BBS9: variants seen among roughly 807,000 people sequenced by gnomAD.
BBS9 encodes the protein protein PTHB1.
Under a neutral mutation model 117.7 loss-of-function variants are expected in BBS9, and 89 were observed. That is an observed-to-expected ratio of 0.76 (90% CI 0.64 to 0.90). The LOEUF is 0.90. BBS9 is among the 40% of genes least tolerant of loss of function. BBS9 has a pLI of 0.00. For missense variants in BBS9, 982 were observed against 1,042.2 expected (o/e 0.94, Z 0.80); for synonymous variants, 379 against 370.9 (o/e 1.02, Z -0.25).
chr7:33,599,272 A>C (rs1370095869), intron 21 of BBS9, among the ~76,000 whole-genome samples: 1 of 152,134 alleles, frequency 6.6e-6, no homozygotes, highest in East Asian at 1.9e-4. Flanking sequence ...TAAGGTTTTC[A>C]GGCACTTTTC....
intron 19 of BBS9, among the ~76,000 whole-genome samples, chr7:33,395,067 GAA>G (rs1298743753): frequency 6.6e-6 from 1 of 152,154 alleles, no homozygotes; most frequent in Non-Finnish European, 1.5e-5. Flanking sequence ...TCAGGGTAAA[GAA>G]AAAGGAAATG....
At chr7:33,350,620 CTCTGTTCATGCTG>C (rs1256013104) in intron 13 of BBS9, among the ~76,000 whole-genome samples, 1 of 152,200 alleles carries the variant, frequency 6.6e-6, no homozygotes, top group African/African-American at 2.4e-5. Flanking sequence ...GTACCGTTTT[CTCTGTTCATGCTG>C]TCTGTTCCTC....
chr7:33,183,117 T>A (rs555231996), intron 5 of BBS9, among the ~76,000 whole-genome samples: 1 of 152,292 alleles, frequency 6.6e-6, no homozygotes, highest in South Asian at 2.1e-4. Context: ...ATGAAGTAAT[T>A]TCTAATACCC....
chr7:33,209,673 A>G (rs1280187491), intron 5 of BBS9, among the ~76,000 whole-genome samples: 1 of 152,114 alleles, frequency 6.6e-6, no homozygotes, highest in Non-Finnish European at 1.5e-5. Context: ...TTTCCAATTT[A>G]TTGGCATATA....
intron 21 of BBS9, among the ~76,000 whole-genome samples, chr7:33,627,642 G>T (rs1451517480): frequency 6.6e-6 from 1 of 152,224 alleles, no homozygotes; most frequent in Non-Finnish European, 1.5e-5. Flanking sequence ...AGTCTTAGGA[G>T]CCCACCCCTT....
chr7:33,129,292 C>T (rs1789216236), upstream of BBS9: 1 of 548,644 alleles, frequency 1.8e-6, no homozygotes, highest in Non-Finnish European at 3.2e-6. Flanking sequence ...GCCGGGGGGG[C>T]GTGGCCTGCC....
rs1800246668 is a variant in BBS9 at position 33,273,817 on chromosome 7, C to T, written c.887-10C>T. The T allele has an allele frequency of 8.7e-6, 14 of 1,605,320 alleles. No homozygotes were observed. Among genetic ancestry groups the T allele is most frequent in the Non-Finnish European group, 1.2e-5 (14 of 1,173,194 alleles). ...TCTTAGTGTCTCTTTTCTGTATTTT[C>T]AACTTACAGTTTCTGAAGGAACAAT... On this transcript the variant is annotated splice_polypyrimidine_tract_variant and intron_variant, in intron 8 of 22. Coordinates refer to ENST00000242067, the MANE Select transcript of BBS9 (RefSeq NM_198428.3).
Position 33,432,658 on chromosome 7 carries a change from A to C in BBS9, c.2115+44514A>C, listed in dbSNP as rs6964664. Among the ~76,000 whole-genome samples, 496 of 152,318 alleles carry C rather than the reference A, an allele frequency of 3.3e-3. 2 individuals carry two copies. Among genetic ancestry groups the C allele is most frequent in the African/African-American group, 0.011 (477 of 41,578 alleles). On this transcript the variant is annotated intron_variant, in intron 19 of 22. Transcript: ENST00000242067. ...AGATAAAAAATGCACCTAGAAAAGA[A>C]AAGTTGTCTATGTTGTTATTCGAAA...
At chr7:33,601,224 G>A (rs1368936728) in intron 21 of BBS9, among the ~76,000 whole-genome samples, 1 of 152,076 alleles carries the variant, frequency 6.6e-6, no homozygotes, top group Non-Finnish European at 1.5e-5. Flanking sequence ...TGCCCTCCTC[G>A]AGGCGAGACG....
At chr7:33,634,673 C>T (rs1562548815) in intron 21 of BBS9, among the ~76,000 whole-genome samples, 2 of 152,124 alleles carry the variant, frequency 1.3e-5, no homozygotes, top group African/African-American at 2.4e-5. Flanking sequence ...TTGTAGGAAA[C>T]GGCTAAAGAA....
chr7:33,439,527 T>A (rs1346642623), intron 19 of BBS9, among the ~76,000 whole-genome samples: 1 of 121,468 alleles, frequency 8.2e-6, no homozygotes, highest in Non-Finnish European at 1.6e-5. Context: ...TTCTCTTTTT[T>A]ATCACCTTTT....
chr7:33,532,858 C>T (rs1006031151), intron 20 of BBS9, among the ~76,000 whole-genome samples: 4 of 152,094 alleles, frequency 2.6e-5, no homozygotes, highest in Admixed American at 6.5e-5. Flanking sequence ...TGCACTGTTC[C>T]GCAGTATTCT....
chr7:33,541,660 C>T (rs1280104124), intron 21 of BBS9, among the ~76,000 whole-genome samples: 1 of 152,126 alleles, frequency 6.6e-6, no homozygotes, highest in East Asian at 1.9e-4. Context: ...CATGGGTAAA[C>T]ATTAAAAACA....
At chr7:33,219,405 G>A (rs908450473) in intron 5 of BBS9, among the ~76,000 whole-genome samples, 7 of 152,230 alleles carry the variant, frequency 4.6e-5, no homozygotes, top group African/African-American at 7.2e-5. Flanking sequence ...CAGCCCCAGT[G>A]CAGGGTCCAC....
intron 9 of BBS9, among the ~76,000 whole-genome samples, chr7:33,310,511 T>C (rs1053273489): frequency 4.6e-5 from 7 of 152,162 alleles, no homozygotes; most frequent in African/African-American, 1.4e-4. Flanking sequence ...TTCATCCAAA[T>C]TGGGATATTT....
chr7:33,538,703 G>A (rs1430466457), intron 21 of BBS9, among the ~76,000 whole-genome samples: 2 of 151,068 alleles, frequency 1.3e-5, no homozygotes, highest in Non-Finnish European at 2.9e-5. Context: ...AGATTTAGAT[G>A]ACTTAAATAT....
chr7:33,412,788 A>G (rs1831365441), intron 19 of BBS9, among the ~76,000 whole-genome samples: 1 of 152,224 alleles, frequency 6.6e-6, no homozygotes, highest in Non-Finnish European at 1.5e-5. Context: ...TATCCCAATT[A>G]GGTATACAGT....
chr7:33,446,661 A>G (rs775615649), intron 19 of BBS9, among the ~76,000 whole-genome samples: 12 of 152,230 alleles, frequency 7.9e-5, no homozygotes, highest in Non-Finnish European at 1.6e-4. Flanking sequence ...TGCCATTTTC[A>G]TTGTCTTATC....
At chr7:33,433,147 T>C (rs1466677188) in intron 19 of BBS9, among the ~76,000 whole-genome samples, 6 of 152,218 alleles carry the variant, frequency 3.9e-5, no homozygotes, top group Non-Finnish European at 8.8e-5. Context: ...TATATTTTAT[T>C]TCTGTTCTTT....
Sources: allele counts gnomAD v4.1 joint callset (sites outside exome capture counted in the v4.1 genomes callset), GRCh38; gene constraint gnomAD v4.1.1; transcripts MANE v1.5; gene names NCBI Gene and HGNC (gene_info 2026-07-23, HGNC 2026-07-21).